The following CADM1 variants were observed in gnomAD, a reference collection of about 807,000 sequenced individuals.
The protein encoded by CADM1 is TSLC-1.
CADM1 carries 15 observed loss-of-function variants against 53.1 expected under a neutral mutation model. The ratio of observed to expected loss-of-function variants is 0.28; its 90% CI spans 0.19 to 0.44. CADM1 has a LOEUF of 0.44. CADM1 is among the 20% of genes least tolerant of loss of function. The pLI is 1.00. For synonymous variants in CADM1, 281 were observed against 243.0 expected (o/e 1.16, Z -1.45); for missense variants, 434 against 611.3 (o/e 0.71, Z 3.06).
rs187019978 is a variant in CADM1, at chr11:115,224,486, A to G, written c.721+4627T>C. ...GTCTTTGTTTTCATTCTTCTTTTCA[A>G]AACTCATCTCTGAGTTTTCTTTCTT... is the stretch of plus-strand genomic sequence containing the variant. On this transcript the variant is annotated intron_variant, in intron 5 of 11. Coordinates refer to ENST00000331581, the MANE Select transcript of CADM1 (RefSeq NM_001301043.2). 8.0e-4 allele frequency among the ~76,000 whole-genome samples: 122 copies of G among 152,240 alleles called. 1 individual carries two copies. The highest frequency in any genetic ancestry group is 3.3e-3 in the South Asian group (16 of 4,816).
At chr11:115,241,027 C>T (rs1403497813) in intron 1 of CADM1, 3 of 153,930 alleles carry the variant, frequency 1.9e-5, no homozygotes, top group African/African-American at 7.2e-5. Flanking sequence ...CTCACACCTT[C>T]ATGATTCACC....
At chr11:115,503,662 G>A (rs1487916458) in intron 1 of CADM1, among the ~76,000 whole-genome samples, 2 of 152,200 alleles carry the variant, frequency 1.3e-5, no homozygotes, top group Non-Finnish European at 2.9e-5. Flanking sequence ...AACGGCCGGA[G>A]GGAAACACGA....
At chr11:115,238,015 G>C (rs1009436497) in intron 3 of CADM1, among the ~76,000 whole-genome samples, 1 of 152,130 alleles carries the variant, frequency 6.6e-6, no homozygotes, top group Non-Finnish European at 1.5e-5. Context: ...ATAATCTAGA[G>C]TATAAGCAAT....
intron 1 of CADM1, among the ~76,000 whole-genome samples, chr11:115,427,063 T>C (rs1244545653): frequency 6.6e-6 from 1 of 152,020 alleles, no homozygotes; most frequent in Non-Finnish European, 1.5e-5. Flanking sequence ...AGCAAAAACC[T>C]AGTTCCCGAA....
rs765761542 is a variant in CADM1 at position 115,178,694 on chromosome 11, G to C, written c.1247C>G (p.Ala416Gly). 6.2e-7 allele frequency: 1 copy of C among 1,613,706 alleles called. No homozygotes were observed. Among genetic ancestry groups the C allele is most frequent in the Non-Finnish European group, 8.5e-7 (1 of 1,179,986 alleles). The change falls in exon 11 of 12, where the codon GCC becomes GGC. Residue 416 changes from alanine (A) to glycine (G), a missense_variant. Coordinates refer to ENST00000331581, the MANE Select transcript of CADM1 (RefSeq NM_001301043.2). Reference protein sequence around the residue: ...IGGVVAVVVFAMLCLLIILGR... With the variant: ...IGGVVAVVVFGMLCLLIILGR... ...CAGAATGATGAGCAAGCACAGCATG[G>C]CGAACACCACCACCGCCACGACGCC...
At chr11:115,238,922 A>C (rs528492255) in intron 2 of CADM1, among the ~76,000 whole-genome samples, 2 of 152,006 alleles carry the variant, frequency 1.3e-5, no homozygotes, top group Non-Finnish European at 2.9e-5. Flanking sequence ...GCACCCTTCT[A>C]ACTTGGCACA....
chr11:115,362,207 G>C (rs548969991), intron 1 of CADM1, among the ~76,000 whole-genome samples: 1 of 152,108 alleles, frequency 6.6e-6, no homozygotes, highest in Non-Finnish European at 1.5e-5. Flanking sequence ...TACATCTACA[G>C]AATATTGATG....
chr11:115,447,441 TTTATTGCCTCTCAGCTTCAAAATC>T (rs1304597381), intron 1 of CADM1, among the ~76,000 whole-genome samples: 3 of 152,160 alleles, frequency 2.0e-5, no homozygotes, highest in Non-Finnish European at 4.4e-5. Context: ...CCATCATCAG[TTTATTGCCTCTCAGCTTCAAAATC>T]ACCCTTTTTG....
At chr11:115,183,914 T>C (rs1939425704) in intron 10 of CADM1, among the ~76,000 whole-genome samples, 1 of 152,258 alleles carries the variant, frequency 6.6e-6, no homozygotes, top group South Asian at 2.1e-4. Context: ...CGTGGATGAC[T>C]GGAGGAAAAG....
chr11:115,336,388 C>T (rs562330739), intron 1 of CADM1, among the ~76,000 whole-genome samples: 1 of 152,240 alleles, frequency 6.6e-6, no homozygotes, highest in Admixed American at 6.5e-5. Context: ...ATGGACTGCA[C>T]TTTGCGAAAC....
chr11:115,380,666 T>C (rs1946553415), intron 1 of CADM1, among the ~76,000 whole-genome samples: 1 of 152,198 alleles, frequency 6.6e-6, no homozygotes, highest in Admixed American at 6.5e-5. Context: ...GTCGAGGCCC[T>C]CTTTCATTTT....
intron 1 of CADM1, among the ~76,000 whole-genome samples, chr11:115,501,511 G>C (rs1347307677): frequency 6.6e-6 from 1 of 152,180 alleles, no homozygotes; most frequent in African/African-American, 2.4e-5. Flanking sequence ...CATGCACCTT[G>C]AACGTATAAC....
intron 1 of CADM1, among the ~76,000 whole-genome samples, chr11:115,282,201 C>T (rs890225471): frequency 6.6e-6 from 1 of 152,058 alleles, no homozygotes; most frequent in Non-Finnish European, 1.5e-5. Flanking sequence ...TCACAGTAAT[C>T]CTATGGGATA....
intron 1 of CADM1, among the ~76,000 whole-genome samples, chr11:115,350,718 C>T (rs533491223): frequency 2.6e-5 from 4 of 151,810 alleles, no homozygotes; most frequent in South Asian, 2.1e-4. Flanking sequence ...AAGAACTTAG[C>T]GCATTAGCAA....
intron 1 of CADM1, among the ~76,000 whole-genome samples, chr11:115,383,252 C>T (rs1946622563): frequency 6.6e-6 from 1 of 152,200 alleles, no homozygotes; most frequent in Admixed American, 6.5e-5. Context: ...GGATCGAATG[C>T]TATCCATGCC....
At chr11:115,201,160 C>T (rs919476243) in intron 8 of CADM1, among the ~76,000 whole-genome samples, 1 of 152,076 alleles carries the variant, frequency 6.6e-6, no homozygotes, top group Non-Finnish European at 1.5e-5. Flanking sequence ...GTCACACACA[C>T]GATTACTGCA....
intron 1 of CADM1, among the ~76,000 whole-genome samples, chr11:115,353,223 GA>G (rs1274761343): frequency 6.6e-6 from 1 of 152,178 alleles, no homozygotes; most frequent in South Asian, 2.1e-4. Flanking sequence ...GATGTTTAGG[GA>G]AATCTTCTCT....
At chr11:115,361,308 A>G (rs1946023854) in intron 1 of CADM1, among the ~76,000 whole-genome samples, 1 of 152,166 alleles carries the variant, frequency 6.6e-6, no homozygotes, top group Admixed American at 6.5e-5. Flanking sequence ...TCTTACCAGA[A>G]AGAAGTCAGT....
intron 1 of CADM1, among the ~76,000 whole-genome samples, chr11:115,382,553 G>A (rs1946604778): frequency 6.6e-6 from 1 of 152,076 alleles, no homozygotes; most frequent in Non-Finnish European, 1.5e-5. Flanking sequence ...AAAAATAAAT[G>A]AGTTTAACAA....
Sources: allele counts gnomAD v4.1 joint callset (sites outside exome capture counted in the v4.1 genomes callset), GRCh38; gene constraint gnomAD v4.1.1; transcripts MANE v1.5; gene names NCBI Gene and HGNC (gene_info 2026-07-23, HGNC 2026-07-21).